Variants in GLI3 observed in about 807,000 individuals in gnomAD.
GLI3 encodes the protein GLI family zinc finger 3, also known as transcription activator GLI3.
A neutral mutation model predicts 100.8 loss-of-function variants in GLI3; 20 were observed. The observed-to-expected ratio is 0.20, with a 90% CI of 0.14 to 0.29. The LOEUF (loss-of-function observed/expected upper bound fraction) is 0.29, where lower values mean the gene tolerates loss of function less well. Ranked by LOEUF, GLI3 falls within the 10% of genes least tolerant of loss-of-function variation. The pLI is 1.00. For synonymous variants in GLI3, 938 were observed against 860.5 expected, an observed-to-expected ratio of 1.09 and a Z score of -1.58; for missense variants, 2,040 against 2,128.5, an observed-to-expected ratio of 0.96 and a Z score of 0.82.
intron 10 of GLI3, among the ~76,000 whole-genome samples, chr7:41,998,034 T>G (rs1033991845): frequency 6.6e-6 from 1 of 152,186 alleles, no homozygotes; most frequent in South Asian, 2.1e-4. Context: ...TAAATTTTAA[T>G]TTATTTTTTG....
intron 2 of GLI3, among the ~76,000 whole-genome samples, chr7:42,158,185 C>T (rs982559507): frequency 4.6e-5 from 7 of 152,224 alleles, no homozygotes; most frequent in African/African-American, 1.7e-4. Flanking sequence ...CTATACTCTG[C>T]GCCTCACATT....
intron 4 of GLI3, 78 bp downstream of exon 4, chr7:42,076,674 C>A: frequency 1.1e-6 from 1 of 874,990 alleles, no homozygotes; most frequent in East Asian, 2.4e-5. Context: ...AGTGGACATG[C>A]CATTAACAAA....
intron 2 of GLI3, among the ~76,000 whole-genome samples, chr7:42,200,172 G>A (rs117797113): frequency 0.025 from 3,853 of 152,282 alleles, 71 homozygotes; most frequent in Middle Eastern, 0.048. Context: ...ATCGCCTTCC[G>A]TCATGGAGGT....
At position 42,194,397 on chromosome 7, in the gene GLI3, C is replaced by T. The variant is rs143043732; in HGVS notation, c.124+28733G>A. Reference sequence around the variant, plus strand: ...CAGCACTTTTTGCTCTATCTGCTTTCGGCATTGTTGTCCCAAGGGGTTCAG... The same window carrying T: ...CAGCACTTTTTGCTCTATCTGCTTTTGGCATTGTTGTCCCAAGGGGTTCAG... On this transcript the variant is annotated intron_variant, in intron 2 of 14. Coordinates refer to ENST00000395925, the MANE Select transcript of GLI3 (RefSeq NM_000168.6). 2.6e-3 allele frequency among the ~76,000 whole-genome samples: 392 copies of T among 152,318 alleles called. 3 individuals carry two copies. Among genetic ancestry groups the T allele is most frequent in the African/African-American group, 8.9e-3 (371 of 41,586 alleles).
chr7:42,231,876 C>G (rs1788701629), intron 1 of GLI3, among the ~76,000 whole-genome samples: 1 of 150,552 alleles, frequency 6.6e-6, no homozygotes, highest in Non-Finnish European at 1.5e-5. Flanking sequence ...TGGAGCCTTC[C>G]TAGGCATTTC....
chr7:42,052,719 G>A (rs1784376628), intron 4 of GLI3, among the ~76,000 whole-genome samples: 1 of 152,174 alleles, frequency 6.6e-6, no homozygotes, highest in South Asian at 2.1e-4. Flanking sequence ...TTCCCTAGCG[G>A]AGCAGTGGCT....
intron 1 of GLI3, among the ~76,000 whole-genome samples, chr7:42,255,280 C>T (rs7798470): frequency 6.6e-6 from 1 of 152,010 alleles, no homozygotes; most frequent in Non-Finnish European, 1.5e-5. Flanking sequence ...CTGTTACACT[C>T]TCTCATAGCA....
chr7:42,223,265 A>C lies in GLI3; in HGVS notation c.-12T>G. On this transcript the variant is annotated 5_prime_UTR_variant, in exon 2 of 15. An upstream start codon of the reference 5' UTR is lost. Transcript: ENST00000395925. ...GACTGGGCCTCCATGATGTCTTCTC[A>C]TTACTTCAGCTCTCTTCGACCAAAA... 1 of 1,612,182 alleles carries C rather than the reference A, an allele frequency of 6.2e-7. No individual in the cohort carries two copies. Among genetic ancestry groups the C allele is most frequent in the East Asian group, 2.2e-5 (1 of 44,788 alleles).
chr7:41,987,914 C>A (rs1328898985), intron 10 of GLI3, among the ~76,000 whole-genome samples: 2 of 152,172 alleles, frequency 1.3e-5, no homozygotes, highest in African/African-American at 4.8e-5. Context: ...ATGTCGCAGG[C>A]TCAAACTCAT....
intron 10 of GLI3, among the ~76,000 whole-genome samples, chr7:42,005,765 T>C (rs1482317583): frequency 6.6e-6 from 1 of 152,190 alleles, no homozygotes; most frequent in Non-Finnish European, 1.5e-5. Context: ...TAACTTCCTG[T>C]TCAATTTCTC....
At chr7:42,058,819 G>A (rs1357594433) in intron 4 of GLI3, among the ~76,000 whole-genome samples, 1 of 152,164 alleles carries the variant, frequency 6.6e-6, no homozygotes, top group East Asian at 1.9e-4. Context: ...ATTCCTTCCA[G>A]GAAAGACTGC....
intron 3 of GLI3, among the ~76,000 whole-genome samples, chr7:42,140,693 T>C (rs1786546925): frequency 6.6e-6 from 1 of 152,030 alleles, no homozygotes; most frequent in Non-Finnish European, 1.5e-5. Flanking sequence ...TCAAGCCCTT[T>C]CCCTAAGAAC....
At chr7:42,089,542 C>T (rs1046144573) in intron 3 of GLI3, among the ~76,000 whole-genome samples, 1 of 152,154 alleles carries the variant, frequency 6.6e-6, no homozygotes, top group East Asian at 1.9e-4. Context: ...TGAGTTTTAC[C>T]TTCTCCAAAA....
rs538399977 is a variant in GLI3 at position 42,200,911 on chromosome 7, T to C, written c.124+22219A>G. Among the ~76,000 whole-genome samples, 10 of 152,306 alleles carry C rather than the reference T, an allele frequency of 6.6e-5. No homozygotes were observed. In the South Asian group the frequency reaches 2.1e-3, roughly 32 times the overall value. On this transcript the variant is annotated intron_variant, in intron 2 of 14. Transcript: ENST00000395925. ...AACCATTTCTAGGAGAACAGAATGC[T>C]GCCTAGTGGACACACTCTAGGACTT... is the stretch of plus-strand genomic sequence containing the variant.
chr7:42,073,497 T>C (rs1784822686), intron 4 of GLI3, among the ~76,000 whole-genome samples: 1 of 152,258 alleles, frequency 6.6e-6, no homozygotes, highest in Non-Finnish European at 1.5e-5. Flanking sequence ...AAACAGCTAA[T>C]ACGAAACATA....
intron 2 of GLI3, among the ~76,000 whole-genome samples, chr7:42,174,583 G>A (rs1583621762): frequency 2.0e-5 from 3 of 152,174 alleles, no homozygotes; most frequent in Admixed American, 2.0e-4. Flanking sequence ...TGCCCAACGA[G>A]CTGGGAGTTC....
chr7:42,022,603 T>A (rs546416882), intron 10 of GLI3, among the ~76,000 whole-genome samples: 1 of 152,356 alleles, frequency 6.6e-6, no homozygotes, highest in South Asian at 2.1e-4. Flanking sequence ...AACAAGACCC[T>A]GTGCTTCTGC....
chr7:42,010,055 T>C (rs1211388558), intron 10 of GLI3, among the ~76,000 whole-genome samples: 1 of 152,232 alleles, frequency 6.6e-6, no homozygotes, highest in Non-Finnish European at 1.5e-5. Flanking sequence ...CTTGGTCTTT[T>C]CTTTCTTAGA....
chr7:42,070,423 A>T (rs1784761983), intron 4 of GLI3, among the ~76,000 whole-genome samples: 1 of 152,198 alleles, frequency 6.6e-6, no homozygotes, highest in African/African-American at 2.4e-5. Flanking sequence ...TAGAAACTAG[A>T]GCAGCCAAGT....
Sources: allele counts gnomAD v4.1 joint callset (sites outside exome capture counted in the v4.1 genomes callset), GRCh38; gene constraint gnomAD v4.1.1; transcripts MANE v1.5; gene names NCBI Gene and HGNC (gene_info 2026-07-23, HGNC 2026-07-21).